Variants in RBPJ observed in about 807,000 individuals in gnomAD.
RBPJ encodes recombination signal binding protein for immunoglobulin kappa J region.
In RBPJ, 9 loss-of-function variants were observed where a neutral mutation model predicts 67.8. That is an observed-to-expected ratio of 0.13 (90% CI 0.08 to 0.23). The LOEUF (loss-of-function observed/expected upper bound fraction) is 0.23, where lower values mean the gene tolerates loss of function less well. Ranked by LOEUF, RBPJ falls within the 10% of genes least tolerant of loss-of-function variation. The pLI, the probability that RBPJ is intolerant of heterozygous loss-of-function variation, is 1.00. For missense variants in RBPJ, 305 were observed against 595.6 expected, an observed-to-expected ratio of 0.51 and a Z score of 5.08; for synonymous variants, 198 against 203.3, an observed-to-expected ratio of 0.97 and a Z score of 0.22.
rs1235040792 is a variant in RBPJ, at chr4:26,434,707, C to T, written c.*3700C>T. 1.3e-5 allele frequency: 2 copies of T among 152,156 alleles called. No homozygotes were observed. The highest frequency in any genetic ancestry group is 2.9e-5 in the Non-Finnish European group (2 of 68,028). 9.4% of individuals were successfully genotyped at this position (152,156 alleles called of 1,614,324 possible). A position where few individuals can be genotyped will look rare whatever the true frequency, so the allele number is the denominator to read the frequency against. On this transcript the variant is annotated 3_prime_UTR_variant, in exon 11 of 11. Transcript: ENST00000355476. The stretch of plus-strand genomic sequence containing the variant: ...CTCATTTTTAGCTTATTTCTTGTAC[C>T]TTGCAGCATGCTCTACGCATTCAGT...
chr4:26,189,810 T>C (rs1051747682), intron 1 of RBPJ, among the ~76,000 whole-genome samples: 3 of 152,228 alleles, frequency 2.0e-5, no homozygotes, highest in Admixed American at 2.0e-4. Flanking sequence ...CCAGAAAACA[T>C]TGCTATGTTC....
At chr4:26,357,473 A>T (rs1272679426) in intron 1 of RBPJ, among the ~76,000 whole-genome samples, 1 of 152,220 alleles carries the variant, frequency 6.6e-6, no homozygotes, top group African/African-American at 2.4e-5. Context: ...AAAACAAAGG[A>T]AATATTTAGA....
intron 2 of RBPJ, among the ~76,000 whole-genome samples, chr4:26,398,043 A>G (rs1183421521): frequency 6.6e-6 from 1 of 150,962 alleles, no homozygotes. Flanking sequence ...TATGCTCTTC[A>G]GTTCTCTAAA....
At chr4:26,178,135 G>C (rs183315110) in intron 1 of RBPJ, among the ~76,000 whole-genome samples, 69 of 152,290 alleles carry the variant, frequency 4.5e-4, no homozygotes, top group African/African-American at 1.6e-3. Context: ...ATTGGCACAT[G>C]GTCTCCCCAT....
At chr4:26,320,957 G>A (rs1417877670), upstream of RBPJ, 1 of 1,612,752 alleles carries the variant, frequency 6.2e-7, no homozygotes, top group African/African-American at 1.3e-5. Context: ...GGAAGGGGCG[G>A]GGGAGAGGGA....
chr4:26,131,070 G>A, the RBPJ span, among the ~76,000 whole-genome samples: 1 of 152,276 alleles, frequency 6.6e-6, no homozygotes, highest in African/African-American at 2.4e-5. Flanking sequence ...TCCAAGCTAC[G>A]GTCTAGTCTT....
At chr4:26,362,644 C>T (rs1728190260) in intron 1 of RBPJ, 2 of 1,608,366 alleles carry the variant, frequency 1.2e-6, no homozygotes, top group Non-Finnish European at 1.7e-6. Flanking sequence ...CTTTAGAAAT[C>T]TCCCAGTGAC....
chr4:26,181,247 G>T (rs1383679061), intron 1 of RBPJ, among the ~76,000 whole-genome samples: 1 of 152,166 alleles, frequency 6.6e-6, no homozygotes, highest in African/African-American at 2.4e-5. Flanking sequence ...CTGTAAGTCT[G>T]CGTGACCCAT....
At chr4:26,399,422 G>A (rs1732520303) in intron 2 of RBPJ, among the ~76,000 whole-genome samples, 1 of 151,922 alleles carries the variant, frequency 6.6e-6, no homozygotes, top group East Asian at 1.9e-4. Context: ...GCCTCCATTG[G>A]CATAACTAGT....
the RBPJ span, among the ~76,000 whole-genome samples, chr4:26,119,551 C>T: frequency 3.9e-5 from 6 of 152,304 alleles, no homozygotes; most frequent in African/African-American, 7.2e-5. Context: ...TTTCTTTACA[C>T]GGTTCTCTCC....
At position 26,169,903 on chromosome 4, in the gene RBPJ, G is replaced by A. The variant is rs567501891; in HGVS notation, c.-167+6289G>A. On this transcript the variant is annotated intron_variant, in intron 1 of 4. Transcript: ENST00000512351. ...CATGTGCGGGATATAATCTCCTGGTGTGCCATTTCCTAAGCCCGTCAGAAA... is the reference window on the plus strand; with the variant it reads ...CATGTGCGGGATATAATCTCCTGGTATGCCATTTCCTAAGCCCGTCAGAAA... Among the ~76,000 whole-genome samples, 12 of 152,280 alleles carry A rather than the reference G, an allele frequency of 7.9e-5. No homozygotes were observed. The East Asian group carries it at 1.6e-3, about 20-fold the overall frequency.
chr4:26,227,285 G>GT (rs1469448811), intron 1 of RBPJ, among the ~76,000 whole-genome samples: 1 of 152,182 alleles, frequency 6.6e-6, no homozygotes, highest in African/African-American at 2.4e-5. Flanking sequence ...TCTGGAGTGA[G>GT]TAAAACCTGC....
chr4:26,337,150 A>G (rs1250616425), intron 1 of RBPJ, among the ~76,000 whole-genome samples: 1 of 143,202 alleles, frequency 7.0e-6, no homozygotes, highest in Non-Finnish European at 1.5e-5. Flanking sequence ...TTTTTTTTTT[A>G]AATAAAGACA....
chr4:26,165,848 T>C (rs1263856189), intron 1 of RBPJ, among the ~76,000 whole-genome samples: 2 of 148,870 alleles, frequency 1.3e-5, no homozygotes, highest in Non-Finnish European at 3.0e-5. Context: ...GTATGTCTCC[T>C]AATGCTATCC....
intron 1 of RBPJ, among the ~76,000 whole-genome samples, chr4:26,285,446 C>T (rs994406490): frequency 5.5e-4 from 84 of 152,150 alleles, no homozygotes; most frequent in African/African-American, 1.8e-3. Context: ...AGTATAAGAA[C>T]AACTATCTAC....
intron 1 of RBPJ, among the ~76,000 whole-genome samples, chr4:26,215,945 AAAC>A (rs1309948200): frequency 6.6e-6 from 1 of 152,190 alleles, no homozygotes; most frequent in Non-Finnish European, 1.5e-5. Flanking sequence ...GAGTGGCTTA[AAAC>A]AACAGAAATT....
chr4:26,389,042 C>T (rs1462778884), intron 2 of RBPJ, among the ~76,000 whole-genome samples: 8 of 151,568 alleles, frequency 5.3e-5, no homozygotes, highest in African/African-American at 1.7e-4. Flanking sequence ...GGCAACATGG[C>T]GAAACCGTGT....
the RBPJ span, among the ~76,000 whole-genome samples, chr4:26,129,989 G>C: frequency 3.2e-4 from 49 of 152,214 alleles, 1 homozygote; most frequent in Admixed American, 6.5e-4. Flanking sequence ...AGCCTTCTTA[G>C]TAGCTGGGAG....
At chr4:26,404,292 A>G (rs577285810) in intron 2 of RBPJ, among the ~76,000 whole-genome samples, 5 of 152,232 alleles carry the variant, frequency 3.3e-5, no homozygotes, top group Non-Finnish European at 7.4e-5. Context: ...CCTTTATCAG[A>G]TGCACAGTTT....
Sources: allele counts gnomAD v4.1 joint callset (sites outside exome capture counted in the v4.1 genomes callset), GRCh38; gene constraint gnomAD v4.1.1; transcripts MANE v1.5; gene names NCBI Gene and HGNC (gene_info 2026-07-23, HGNC 2026-07-21).